CDH13: variants seen among roughly 807,000 people sequenced by gnomAD.
CDH13 encodes cadherin-13.
In CDH13, 24 loss-of-function variants were observed where a neutral mutation model predicts 63.8. The ratio of observed to expected loss-of-function variants is 0.38; its 90% confidence interval spans 0.27 to 0.53. The LOEUF (loss-of-function observed/expected upper bound fraction) is 0.53. Ranked by LOEUF, CDH13 falls within the 20% of genes least tolerant of loss-of-function variation. The probability of loss-of-function intolerance (pLI) is 0.85; values close to 1 mark genes in which losing one functional copy is unlikely to be tolerated. For synonymous variants in CDH13, 503 were observed against 355.3 expected, an observed-to-expected ratio of 1.42 and a Z score of -4.67; for missense variants, 1,049 against 903.1, an observed-to-expected ratio of 1.16 and a Z score of -2.07.
At chr16:82,968,695 C>G (rs947244959) in intron 2 of CDH13, among the ~76,000 whole-genome samples, 3 of 152,214 alleles carry the variant, frequency 2.0e-5, no homozygotes, top group African/African-American at 7.2e-5. Flanking sequence ...CTCTTCTTGG[C>G]AGCTCTAGAA....
At chr16:83,743,454 C>G (rs1051240336) in intron 10 of CDH13, among the ~76,000 whole-genome samples, 7 of 152,182 alleles carry the variant, frequency 4.6e-5, no homozygotes, top group African/African-American at 1.7e-4. Context: ...TTGAATACAA[C>G]TGCTTCTTTG....
chr16:83,428,977 G>C (rs762917954), intron 6 of CDH13, among the ~76,000 whole-genome samples: 1 of 152,148 alleles, frequency 6.6e-6, no homozygotes, highest in Non-Finnish European at 1.5e-5. Flanking sequence ...CCTGTCAAGG[G>C]GCACAAATAT....
chr16:82,888,913 C>T (rs1444427037), intron 2 of CDH13, among the ~76,000 whole-genome samples: 1 of 152,152 alleles, frequency 6.6e-6, no homozygotes, highest in Non-Finnish European at 1.5e-5. Context: ...GGATAGCTTT[C>T]GATTTGCCCA....
intron 6 of CDH13, among the ~76,000 whole-genome samples, chr16:83,366,151 AT>A (rs199791334): frequency 6.6e-6 from 1 of 152,202 alleles, no homozygotes; most frequent in East Asian, 1.9e-4. Flanking sequence ...AATAACAGGG[AT>A]TTTTTTAAAA....
intron 1 of CDH13, among the ~76,000 whole-genome samples, chr16:82,852,815 G>A (rs184084578): frequency 6.6e-6 from 1 of 152,178 alleles, no homozygotes; most frequent in Admixed American, 6.5e-5. Context: ...CTTGATGACA[G>A]ACTTCTCTGG....
chr16:82,694,036 A>T (rs1199383444), intron 1 of CDH13, among the ~76,000 whole-genome samples: 1 of 152,246 alleles, frequency 6.6e-6, no homozygotes, highest in East Asian at 1.9e-4. Context: ...CCACATCTGG[A>T]TTAAAATAAA....
At chr16:83,434,917 A>G (rs537318634) in intron 6 of CDH13, among the ~76,000 whole-genome samples, 6 of 146,310 alleles carry the variant, frequency 4.1e-5, no homozygotes, top group Admixed American at 2.1e-4. Context: ...TTTTATTTAT[A>G]TATATAATAT....
rs570617253 is a variant in CDH13, at chr16:83,610,082, A to G, written c.1101+7488A>G. Among the ~76,000 whole-genome samples the G allele has an allele frequency of 5.3e-5, 8 of 152,326 alleles. No individual in the cohort carries two copies. The East Asian group carries it at 1.3e-3, about 26-fold the overall frequency. The stretch of plus-strand genomic sequence containing the variant: ...TCTTTGTGTGGCTGAATAATACTCC[A>G]TTCCATGGTTATACCACATTTTATG... On this transcript the variant is annotated intron_variant, in intron 8 of 13. Transcript: ENST00000567109.
intron 8 of CDH13, among the ~76,000 whole-genome samples, chr16:83,666,266 A>G (rs1598437206): frequency 6.6e-6 from 1 of 152,176 alleles, no homozygotes; most frequent in African/African-American, 2.4e-5. Context: ...CCTTTCTTGA[A>G]TTATATAATG....
chr16:82,952,539 G>A (rs1905444654), intron 2 of CDH13, among the ~76,000 whole-genome samples: 1 of 152,212 alleles, frequency 6.6e-6, no homozygotes, highest in East Asian at 1.9e-4. Flanking sequence ...TCAAAAAGCA[G>A]AGAATAACCA....
intron 8 of CDH13, among the ~76,000 whole-genome samples, chr16:83,626,099 C>T (rs547236000): frequency 2.0e-4 from 31 of 152,106 alleles, no homozygotes; most frequent in African/African-American, 7.2e-4. Flanking sequence ...CAGCCTCCAC[C>T]TCCAAGGCTC....
chr16:83,025,492 G>A (rs140000303), intron 2 of CDH13, among the ~76,000 whole-genome samples: 94 of 152,216 alleles, frequency 6.2e-4, no homozygotes, highest in Admixed American at 1.2e-3. Flanking sequence ...ATCAGATCTC[G>A]CCAGAACTCA....
chr16:83,787,533 A>T (rs1915966088), intron 13 of CDH13, among the ~76,000 whole-genome samples: 1 of 152,190 alleles, frequency 6.6e-6, no homozygotes, highest in African/African-American at 2.4e-5. Context: ...ATTTACTATG[A>T]CCAACGCTAC....
intron 7 of CDH13, among the ~76,000 whole-genome samples, chr16:83,550,778 G>A (rs768105093): frequency 7.9e-5 from 12 of 152,158 alleles, no homozygotes; most frequent in Non-Finnish European, 1.8e-4. Flanking sequence ...AATCGAGGAA[G>A]CAGTGAATGA....
At chr16:83,202,116 T>C (rs939016551) in intron 4 of CDH13, among the ~76,000 whole-genome samples, 1 of 152,160 alleles carries the variant, frequency 6.6e-6, no homozygotes, top group Non-Finnish European at 1.5e-5. Flanking sequence ...GACTCGACTT[T>C]CAAGCTGGTA....
chr16:82,819,492 C>T (rs1002562605), intron 1 of CDH13, among the ~76,000 whole-genome samples: 2 of 152,174 alleles, frequency 1.3e-5, no homozygotes, highest in East Asian at 1.9e-4. Context: ...GCTCTTTTGT[C>T]CCAGGCTTGG....
At chr16:82,879,987 A>G (rs2040643113) in intron 2 of CDH13, among the ~76,000 whole-genome samples, 1 of 147,072 alleles carries the variant, frequency 6.8e-6, no homozygotes, top group Non-Finnish European at 1.5e-5. Flanking sequence ...CATACAGATT[A>G]TATATTAATA....
intron 6 of CDH13, among the ~76,000 whole-genome samples, chr16:83,399,387 T>A (rs1417322160): frequency 6.6e-6 from 1 of 152,248 alleles, no homozygotes; most frequent in Non-Finnish European, 1.5e-5. Context: ...ATCTGTGTAC[T>A]AAAGATAGAT....
At chr16:82,921,376 T>A (rs968448953) in intron 2 of CDH13, among the ~76,000 whole-genome samples, 2 of 152,168 alleles carry the variant, frequency 1.3e-5, no homozygotes, top group African/African-American at 4.8e-5. Flanking sequence ...AAGGCCACTA[T>A]CTTCAAGTAT....
Sources: allele counts gnomAD v4.1 joint callset (sites outside exome capture counted in the v4.1 genomes callset), GRCh38; gene constraint gnomAD v4.1.1; transcripts MANE v1.5; gene names NCBI Gene and HGNC (gene_info 2026-07-23, HGNC 2026-07-21).